The following NRXN1 variants were observed in gnomAD, a reference collection of about 807,000 sequenced individuals.
NRXN1 encodes neurexin 1.
Under a neutral mutation model 150.9 loss-of-function variants are expected in NRXN1, and 39 were observed. The observed-to-expected ratio is 0.26, with a 90% CI of 0.20 to 0.34. The LOEUF (loss-of-function observed/expected upper bound fraction) is 0.34. Ranked by LOEUF, NRXN1 falls within the 10% of genes least tolerant of loss-of-function variation. The probability of loss-of-function intolerance (pLI) is 1.00; values close to 1 mark genes in which losing one functional copy is unlikely to be tolerated. For missense variants in NRXN1, 1,815 were observed against 1,949.9 expected (o/e 0.93, Z 1.30); for synonymous variants, 924 against 757.0 (o/e 1.22, Z -3.62).
At chr2:50,454,666 A>T (rs1052338996) in intron 17 of NRXN1, among the ~76,000 whole-genome samples, 25 of 99,540 alleles carry the variant, frequency 2.5e-4, no homozygotes, top group African/African-American at 1.4e-3. Context: ...GGCAAAGATC[A>T]CACACACACA....
chr2:50,567,023 G>A (rs747433358), intron 8 of NRXN1, among the ~76,000 whole-genome samples: 3 of 152,006 alleles, frequency 2.0e-5, no homozygotes, highest in South Asian at 2.1e-4. Context: ...ATCCCCCTTA[G>A]GTTTCATCCT....
chr2:50,947,237 C>A (rs1690543749), intron 2 of NRXN1, among the ~76,000 whole-genome samples: 1 of 152,008 alleles, frequency 6.6e-6, no homozygotes, highest in Non-Finnish European at 1.5e-5. Flanking sequence ...TACCCTTTTT[C>A]TAGCATTTAG....
intron 5 of NRXN1, among the ~76,000 whole-genome samples, chr2:50,869,646 C>T (rs1677466837): frequency 6.6e-6 from 1 of 151,520 alleles, no homozygotes; most frequent in Non-Finnish European, 1.5e-5. Flanking sequence ...GACACACAGC[C>T]TAGAGGTTCT....
intron 17 of NRXN1, among the ~76,000 whole-genome samples, chr2:50,239,794 G>T (rs750356655): frequency 6.9e-6 from 1 of 144,348 alleles, no homozygotes; most frequent in Non-Finnish European, 1.5e-5. Context: ...ATTTATCAAG[G>T]CCAACTGTTA....
intron 18 of NRXN1, among the ~76,000 whole-genome samples, chr2:50,095,734 G>A (rs1339552406): frequency 6.7e-6 from 1 of 149,968 alleles, no homozygotes; most frequent in African/African-American, 2.5e-5. Flanking sequence ...TAGAAACAAT[G>A]AGCATCCGTG....
At chr2:50,221,774 T>C (rs1006710770) in intron 18 of NRXN1, among the ~76,000 whole-genome samples, 1 of 152,014 alleles carries the variant, frequency 6.6e-6, no homozygotes, top group Admixed American at 6.6e-5. Context: ...TATTAGCAAA[T>C]GCCACAGAAC....
intron 2 of NRXN1, among the ~76,000 whole-genome samples, chr2:51,009,653 C>T (rs1195343782): frequency 6.6e-6 from 1 of 151,826 alleles, no homozygotes; most frequent in African/African-American, 2.4e-5. Context: ...TCAGATGTTT[C>T]TAGGATTTTC....
At chr2:50,177,104 G>C (rs1349396607) in intron 18 of NRXN1, among the ~76,000 whole-genome samples, 1 of 152,134 alleles carries the variant, frequency 6.6e-6, no homozygotes, top group African/African-American at 2.4e-5. Context: ...TTGAAAGTTA[G>C]AGTTTTAGAA....
At position 50,011,536 on chromosome 2, in the gene NRXN1, A is replaced by G. The variant is rs575879156; in HGVS notation, c.4128+41735T>C. On this transcript the variant is annotated intron_variant, in intron 21 of 22. Coordinates refer to ENST00000401669, the MANE Select transcript of NRXN1 (RefSeq NM_001330078.2). Reference sequence around the variant, plus strand: ...TATCTTTGTGCTCAAGTGTTTGTTTATAAGCATAGATAATACCTACCTAAG... The same window carrying G: ...TATCTTTGTGCTCAAGTGTTTGTTTGTAAGCATAGATAATACCTACCTAAG... 6.6e-5 allele frequency among the ~76,000 whole-genome samples: 10 copies of G among 152,262 alleles called. No individual in the cohort carries two copies. In the South Asian group the frequency reaches 2.1e-3, roughly 32 times the overall value.
rs915752698 is a variant in NRXN1 at position 50,915,263 on chromosome 2, T to C, written c.832+6606A>G. On this transcript the variant is annotated intron_variant, in intron 5 of 22. Coordinates refer to ENST00000401669, the MANE Select transcript of NRXN1 (RefSeq NM_001330078.2). ...CTTGAAAATGTGGTATTCAGATAAC[T>C]AGGTGTCAGCAGTCTCAACTATATA... Among the ~76,000 whole-genome samples, 7 of 151,650 alleles carry C rather than the reference T, an allele frequency of 4.6e-5. 1 individual carries two copies. The highest frequency in any genetic ancestry group is 3.3e-4 in the Admixed American group (5 of 15,170).
chr2:50,858,527 G>C (rs1037320249), intron 5 of NRXN1, among the ~76,000 whole-genome samples: 1 of 151,730 alleles, frequency 6.6e-6, no homozygotes, highest in Admixed American at 6.6e-5. Flanking sequence ...TAATTGCCTG[G>C]GAAATAAAGA....
At chr2:51,009,877 T>C (rs1476446245) in intron 2 of NRXN1, among the ~76,000 whole-genome samples, 3 of 151,864 alleles carry the variant, frequency 2.0e-5, no homozygotes, top group African/African-American at 4.8e-5. Context: ...GATCCCTTCA[T>C]TCATTACTTC....
chr2:50,551,492 A>T (rs935931554), intron 9 of NRXN1: 2 of 152,168 alleles, frequency 1.3e-5, no homozygotes, highest in African/African-American at 4.8e-5. Flanking sequence ...TGAGCAAGAG[A>T]GTTCAGCCCC....
intron 17 of NRXN1, chr2:50,312,817 A>G (rs967473256): frequency 2.0e-6 from 1 of 496,144 alleles, no homozygotes; most frequent in African/African-American, 1.9e-5. Context: ...CAATGGTAAA[A>G]TTAAACCACC....
At chr2:50,123,389 G>A (rs990842386) in intron 18 of NRXN1, among the ~76,000 whole-genome samples, 1 of 152,178 alleles carries the variant, frequency 6.6e-6, no homozygotes. Flanking sequence ...AGGCTTGGAG[G>A]TGAAAGCAAA....
At chr2:50,379,273 A>G (rs987775978) in intron 17 of NRXN1, among the ~76,000 whole-genome samples, 1 of 152,190 alleles carries the variant, frequency 6.6e-6, no homozygotes, top group African/African-American at 2.4e-5. Context: ...AAGCCCTATC[A>G]GTCAGTATAC....
intron 8 of NRXN1, among the ~76,000 whole-genome samples, chr2:50,618,141 T>C (rs1293032980): frequency 6.6e-6 from 1 of 152,166 alleles, no homozygotes; most frequent in Non-Finnish European, 1.5e-5. Flanking sequence ...ATACCTGGCC[T>C]GGCTCACAGT....
intron 21 of NRXN1, among the ~76,000 whole-genome samples, chr2:50,003,732 G>C (rs562429271): frequency 6.6e-6 from 1 of 152,076 alleles, no homozygotes; most frequent in Non-Finnish European, 1.5e-5. Flanking sequence ...CCATAATACA[G>C]TGTTCTTTCA....
intron 5 of NRXN1, among the ~76,000 whole-genome samples, chr2:50,635,261 C>T (rs1309199913): frequency 6.6e-6 from 1 of 151,666 alleles, no homozygotes; most frequent in Non-Finnish European, 1.5e-5. Flanking sequence ...GGGTTCACGC[C>T]ATTCTCCTGC....
Sources: allele counts gnomAD v4.1 joint callset (sites outside exome capture counted in the v4.1 genomes callset), GRCh38; gene constraint gnomAD v4.1.1; transcripts MANE v1.5; gene names NCBI Gene and HGNC (gene_info 2026-07-23, HGNC 2026-07-21).